The following TGFBR1 variants were observed in gnomAD, a reference collection of about 807,000 sequenced individuals.
TGFBR1 encodes the protein transforming growth factor beta receptor 1, also known as TGF-beta receptor type-1.
In TGFBR1, 20 loss-of-function variants were observed where a neutral mutation model predicts 55.1. The ratio of observed to expected loss-of-function variants is 0.36; its 90% CI spans 0.26 to 0.53. The LOEUF (loss-of-function observed/expected upper bound fraction) is 0.53, where lower values mean the gene tolerates loss of function less well. Ranked by LOEUF, TGFBR1 falls within the 20% of genes least tolerant of loss-of-function variation. The probability of loss-of-function intolerance (pLI) is 0.91; values close to 1 mark genes in which losing one functional copy is unlikely to be tolerated. For synonymous variants in TGFBR1, 220 were observed against 214.8 expected (o/e 1.02, Z -0.21); for missense variants, 385 against 617.6 (o/e 0.62, Z 3.99).
At chr9:99,129,576 T>G (rs2118584435) in intron 2 of TGFBR1, among the ~76,000 whole-genome samples, 1 of 152,318 alleles carries the variant, frequency 6.6e-6, no homozygotes, top group South Asian at 2.1e-4. Context: ...ATTTCTAGAT[T>G]TTTGGTCCTT....
intron 1 of TGFBR1, among the ~76,000 whole-genome samples, chr9:99,114,029 C>G (rs1445054957): frequency 6.6e-6 from 1 of 152,170 alleles, no homozygotes; most frequent in African/African-American, 2.4e-5. Flanking sequence ...TCCTTGCTTA[C>G]TGGTTTTAGC....
At position 99,105,729 on chromosome 9, in the gene TGFBR1, C is replaced by G. The variant is rs535074216; in HGVS notation, c.97+427C>G. Among the ~76,000 whole-genome samples, 28 of 152,274 alleles carry G rather than the reference C, an allele frequency of 1.8e-4. No individual in the cohort carries two copies. The South Asian group carries it at 5.6e-3, about 30-fold the overall frequency. On this transcript the variant is annotated intron_variant, in intron 1 of 8. Transcript: ENST00000374994. ...ACGGCGTGACCTTGTTCTGGGGACC[C>G]CCGCCCCAAGAGGGTCCGTGCCAGA...
At chr9:99,141,806 A>G (rs1169699050) in intron 4 of TGFBR1, among the ~76,000 whole-genome samples, 2 of 152,190 alleles carry the variant, frequency 1.3e-5, no homozygotes, top group Non-Finnish European at 2.9e-5. Flanking sequence ...CCTATGAGAA[A>G]ACATGTTTTA....
In TGFBR1 at chr9:99,145,206, A is replaced by G. The variant is rs564664006; in HGVS notation, c.1130+318A>G. Reference sequence around the variant, plus strand: ...TCTTTTACGTATATTACCTCATTTAATCCCTTCTCAAATACTGTGCAGTAG... The same window carrying G: ...TCTTTTACGTATATTACCTCATTTAGTCCCTTCTCAAATACTGTGCAGTAG... On this transcript the variant is annotated intron_variant, in intron 6 of 8. Transcript: ENST00000374994. Among the ~76,000 whole-genome samples the G allele has an allele frequency of 3.3e-5, 5 of 152,310 alleles. No individual in the cohort carries two copies. The South Asian group carries it at 1.0e-3, about 32-fold the overall frequency.
intron 6 of TGFBR1, among the ~76,000 whole-genome samples, chr9:99,145,451 G>A (rs893910631): frequency 2.0e-5 from 3 of 152,126 alleles, no homozygotes; most frequent in African/African-American, 7.2e-5. Context: ...AGGCACTTAT[G>A]CGTTATGTTG....
At chr9:99,146,938 A>G (rs548234854) in intron 7 of TGFBR1, among the ~76,000 whole-genome samples, 26 of 152,272 alleles carry the variant, frequency 1.7e-4, no homozygotes, top group Admixed American at 7.8e-4. Flanking sequence ...TCTAGCATGT[A>G]CCTGGGTGTC....
At position 99,150,066 on chromosome 9, in the gene TGFBR1, TC is replaced by T. The variant is rs1386689017; in HGVS notation, c.*762del. 5.3e-6 allele frequency: 1 copy of T among 187,968 alleles called. No individual in the cohort carries two copies. Among genetic ancestry groups the T allele is most frequent in the Non-Finnish European group, 1.1e-5 (1 of 89,260 alleles). 11.6% of individuals were successfully genotyped at this position (187,968 alleles called of 1,614,324 possible). ...ATTTATCTGGGTAACCCAAACTTTT[TC>T]TGTTTTGTTTTTGGAAGGGTTTTTG... On this transcript the variant is annotated 3_prime_UTR_variant, in exon 9 of 9. Coordinates refer to ENST00000374994, the MANE Select transcript of TGFBR1 (RefSeq NM_004612.4).
chr9:99,126,241 G>T (rs1456808117), intron 1 of TGFBR1, among the ~76,000 whole-genome samples: 1 of 152,182 alleles, frequency 6.6e-6, no homozygotes, highest in Non-Finnish European at 1.5e-5. Flanking sequence ...CATGTGAGAA[G>T]TAAATTGGAA....
At chr9:99,118,201 T>C (rs1305312622) in intron 1 of TGFBR1, among the ~76,000 whole-genome samples, 1 of 152,218 alleles carries the variant, frequency 6.6e-6, no homozygotes, top group East Asian at 1.9e-4. Context: ...CCTTGCTAGA[T>C]TGACTAATTG....
intron 1 of TGFBR1, among the ~76,000 whole-genome samples, chr9:99,123,739 A>G (rs1826959491): frequency 6.6e-6 from 1 of 152,184 alleles, no homozygotes; most frequent in African/African-American, 2.4e-5. Context: ...TCAAAGTTTC[A>G]TGTGGTTCTG....
chr9:99,145,674 T>C (rs1227283546), intron 6 of TGFBR1, among the ~76,000 whole-genome samples: 1 of 152,184 alleles, frequency 6.6e-6, no homozygotes, highest in African/African-American at 2.4e-5. Flanking sequence ...TTAAATAATA[T>C]GGCCAGCTTC....
rs568494416 is a variant in TGFBR1 at position 99,149,778 on chromosome 9, G to GT, written c.*478dup. 2.9e-4 allele frequency: 68 copies of GT among 232,962 alleles called. 1 individual carries two copies. In the East Asian group the frequency reaches 3.3e-3, roughly 11 times the overall value. 14.4% of individuals were successfully genotyped at this position (232,962 alleles called of 1,614,324 possible). On this transcript the variant is annotated 3_prime_UTR_variant, in exon 9 of 9. Coordinates refer to ENST00000374994, the MANE Select transcript of TGFBR1 (RefSeq NM_004612.4). ...CAGACTTTGAATGTACTGTTCTATAGTTTTTCAGGATCTTAAAACTAACAC... is the reference window on the plus strand; with the variant it reads ...CAGACTTTGAATGTACTGTTCTATAGTTTTTTCAGGATCTTAAAACTAACAC...
intron 1 of TGFBR1, 64 bp downstream of exon 1, chr9:99,105,366 G>C: frequency 1.0e-6 from 1 of 976,708 alleles, no homozygotes; most frequent in Non-Finnish European, 1.2e-6. Flanking sequence ...CCTCTGGCTC[G>C]CTCCTGCTCT....
At position 99,144,790 on chromosome 9, in the gene TGFBR1, T is replaced by C. The variant is rs192662552; in HGVS notation, c.1032T>C (p.Asn344=). 388 of 1,614,048 alleles carry C rather than the reference T, an allele frequency of 2.4e-4. No homozygotes were observed. In the East Asian group the frequency reaches 7.9e-3, roughly 33 times the overall value. The part of the protein sequence containing the change: ...LKSKNILVKK[N]GTCCIADLGL... ...CAAAGAATATCTTGGTAAAGAAGAA[T>C]GGAACTTGCTGTATTGCAGACTTAG... The change falls in exon 6 of 9, where the codon AAT becomes AAC. Residue 344 remains asparagine (N), a synonymous_variant. Transcript: ENST00000374994.
chr9:99,105,588 G>A (rs1826388239), intron 1 of TGFBR1, among the ~76,000 whole-genome samples: 1 of 151,654 alleles, frequency 6.6e-6, no homozygotes, highest in African/African-American at 2.4e-5. Flanking sequence ...GTCGGGCGGA[G>A]TCGTCCGAGG....
chr9:99,140,373 G>A (rs1164800177), intron 4 of TGFBR1, among the ~76,000 whole-genome samples: 4 of 152,052 alleles, frequency 2.6e-5, no homozygotes, highest in Admixed American at 2.6e-4. Context: ...AGAATTGCTT[G>A]AACCTGGGAG....
intron 1 of TGFBR1, among the ~76,000 whole-genome samples, chr9:99,118,586 GT>G (rs1291131550): frequency 6.7e-6 from 1 of 149,000 alleles, no homozygotes; most frequent in Non-Finnish European, 1.5e-5. Flanking sequence ...AATTTTATCA[GT>G]TTTTTTGTTT....
upstream of TGFBR1, among the ~76,000 whole-genome samples, chr9:99,104,787 C>T (rs923540310): frequency 1.3e-5 from 2 of 152,150 alleles, no homozygotes; most frequent in Non-Finnish European, 2.9e-5. Context: ...CACACAGACA[C>T]ACCCATCGCT....
chr9:99,110,539 G>A (rs1826537498), intron 1 of TGFBR1, among the ~76,000 whole-genome samples: 1 of 152,074 alleles, frequency 6.6e-6, no homozygotes. Flanking sequence ...TGATAACATC[G>A]GCTCTACCCC....
Sources: allele counts gnomAD v4.1 joint callset (sites outside exome capture counted in the v4.1 genomes callset), GRCh38; gene constraint gnomAD v4.1.1; transcripts MANE v1.5; gene names NCBI Gene and HGNC (gene_info 2026-07-23, HGNC 2026-07-21).